MCC: variants seen among roughly 807,000 people sequenced by gnomAD.
The protein encoded by MCC is MCC regulator of Wnt signaling pathway.
MCC carries 90 observed loss-of-function variants against 116.2 expected under a neutral mutation model. The ratio of observed to expected loss-of-function variants is 0.77; its 90% CI spans 0.65 to 0.92. The LOEUF (loss-of-function observed/expected upper bound fraction) is 0.92, where lower values mean the gene tolerates loss of function less well. Among genes scored for constraint, MCC ranks in the 40% least tolerant of loss-of-function variants. MCC has a pLI of 0.00. For missense variants in MCC, 1,516 were observed against 1,312.2 expected (o/e 1.16, Z -2.40); for synonymous variants, 578 against 510.5 (o/e 1.13, Z -1.78).
At chr5:113,257,771 G>T (rs1000560479) in intron 3 of MCC, among the ~76,000 whole-genome samples, 4 of 152,176 alleles carry the variant, frequency 2.6e-5, no homozygotes, top group Admixed American at 1.3e-4. Context: ...AAGGCTGTTG[G>T]GAAAACGTCA....
At chr5:113,094,088 C>T (rs752081625) in intron 8 of MCC, among the ~76,000 whole-genome samples, 7 of 152,062 alleles carry the variant, frequency 4.6e-5, no homozygotes, top group African/African-American at 7.2e-5. Flanking sequence ...GATATTTTGC[C>T]GAGAACCACA....
intron 17 of MCC, among the ~76,000 whole-genome samples, chr5:113,036,936 C>T (rs1751368919): frequency 6.6e-6 from 1 of 152,200 alleles, no homozygotes; most frequent in South Asian, 2.1e-4. Context: ...ACTTTGTATT[C>T]CATTAATGTC....
rs74354393 is a variant in MCC, at chr5:113,449,520, G to C, written c.170+38725C>G. ...CAGACACTAGCTGTGTGCTGCCTCA[G>C]CGGAGGCCAGGTACCCACCTTCCTG... On this transcript the variant is annotated intron_variant, in intron 1 of 18. Coordinates refer to ENST00000408903, the MANE Select transcript of MCC (RefSeq NM_001085377.2). 7.4e-3 allele frequency among the ~76,000 whole-genome samples: 1,123 copies of C among 152,340 alleles called. 12 individuals are homozygous for C. Among genetic ancestry groups the C allele is most frequent in the African/African-American group, 0.025 (1,025 of 41,582 alleles).
intron 2 of MCC, among the ~76,000 whole-genome samples, chr5:113,344,089 G>C (rs149398587): frequency 1.3e-5 from 2 of 152,170 alleles, no homozygotes; most frequent in African/African-American, 4.8e-5. Context: ...TCCAGCAGTG[G>C]TTATGTACCA....
At chr5:113,294,344 C>G (rs764787842) in intron 3 of MCC, 1 of 1,613,768 alleles carries the variant, frequency 6.2e-7, no homozygotes, top group Admixed American at 1.7e-5. Context: ...TCAGCTCGGC[C>G]GAGGAGTCGT....
chr5:113,165,625 A>T (rs1442457050), intron 3 of MCC, among the ~76,000 whole-genome samples: 1 of 152,180 alleles, frequency 6.6e-6, no homozygotes, highest in Admixed American at 6.5e-5. Context: ...AGGAAGAATA[A>T]AGAGGAGGCC....
chr5:113,368,379 A>T (rs1469501505), intron 2 of MCC, among the ~76,000 whole-genome samples: 1 of 152,162 alleles, frequency 6.6e-6, no homozygotes, highest in Non-Finnish European at 1.5e-5. Context: ...TTTGAAGGAA[A>T]ATTTCATAGA....
Position 113,256,816 on chromosome 5 carries a change from G to A in MCC, c.627+83703C>T, listed in dbSNP as rs993379596. On this transcript the variant is annotated intron_variant, in intron 3 of 18. Transcript: ENST00000408903. ...GAGTCACTGTGGCCTTCAAACCTGG[G>A]TTAATGCCAATTTTTGCTTTATTTC... Among the ~76,000 whole-genome samples the A allele has an allele frequency of 2.0e-5, 3 of 152,072 alleles. No individual in the cohort carries two copies. In the South Asian group the frequency reaches 6.2e-4, roughly 32 times the overall value.
At chr5:113,062,994 G>A (rs1244087317) in intron 14 of MCC, among the ~76,000 whole-genome samples, 1 of 152,200 alleles carries the variant, frequency 6.6e-6, no homozygotes, top group African/African-American at 2.4e-5. Context: ...GTTTTGTTAT[G>A]TCATGAGATC....
At chr5:113,079,505 A>C (rs1158735817) in intron 11 of MCC, among the ~76,000 whole-genome samples, 3 of 152,238 alleles carry the variant, frequency 2.0e-5, no homozygotes, top group Admixed American at 2.0e-4. Context: ...ATAATACCGC[A>C]CATCTACAAC....
intron 3 of MCC, among the ~76,000 whole-genome samples, chr5:113,280,887 G>C (rs1360701975): frequency 5.3e-5 from 8 of 152,196 alleles, no homozygotes; most frequent in African/African-American, 1.7e-4. Context: ...CCCAGCCATG[G>C]AAGTCCAAGG....
intron 1 of MCC, among the ~76,000 whole-genome samples, chr5:113,475,819 T>C (rs1561591954): frequency 6.6e-6 from 1 of 152,174 alleles, no homozygotes; most frequent in Non-Finnish European, 1.5e-5. Flanking sequence ...TTTAAGACTT[T>C]AAGGGAAAAT....
intron 1 of MCC, among the ~76,000 whole-genome samples, chr5:113,395,035 A>C (rs1769489751): frequency 6.6e-6 from 1 of 152,230 alleles, no homozygotes. Context: ...AAAGTTTGCA[A>C]ATCTGTACTA....
chr5:113,287,802 G>A (rs1238181916), intron 3 of MCC, among the ~76,000 whole-genome samples: 2 of 152,164 alleles, frequency 1.3e-5, no homozygotes, highest in African/African-American at 4.8e-5. Flanking sequence ...CTAGATAAGT[G>A]TGCCCACTCA....
chr5:113,100,871 G>A (rs10074318), intron 8 of MCC, among the ~76,000 whole-genome samples: 62,691 of 152,070 alleles, frequency 0.41, 14,250 homozygotes, highest in African/African-American at 0.62. Flanking sequence ...CCAAGAAAGA[G>A]AGTCAAGTAA....
At chr5:113,042,501 T>G (rs1751785540) in intron 17 of MCC, among the ~76,000 whole-genome samples, 1 of 142,138 alleles carries the variant, frequency 7.0e-6, no homozygotes, top group Non-Finnish European at 1.5e-5. Flanking sequence ...AAAAAAAAAT[T>G]TAAGCATTAT....
chr5:113,440,014 C>A (rs1580377790), intron 1 of MCC, among the ~76,000 whole-genome samples: 1 of 152,164 alleles, frequency 6.6e-6, no homozygotes, highest in African/African-American at 2.4e-5. Flanking sequence ...CCTCCCACCT[C>A]AGCCTCCCAA....
intron 3 of MCC, among the ~76,000 whole-genome samples, chr5:113,339,689 C>T (rs1157103776): frequency 1.3e-5 from 2 of 152,162 alleles, no homozygotes; most frequent in African/African-American, 4.8e-5. Context: ...TTTACAATTG[C>T]TAGTTCCTTC....
At chr5:113,135,800 T>C (rs1758783588) in intron 5 of MCC, among the ~76,000 whole-genome samples, 1 of 152,074 alleles carries the variant, frequency 6.6e-6, no homozygotes, top group African/African-American at 2.4e-5. Context: ...TCCCAGCACT[T>C]TGGGAGGCCA....
Sources: allele counts gnomAD v4.1 joint callset (sites outside exome capture counted in the v4.1 genomes callset), GRCh38; gene constraint gnomAD v4.1.1; transcripts MANE v1.5; gene names NCBI Gene and HGNC (gene_info 2026-07-23, HGNC 2026-07-21).